DACH2: variants seen among roughly 807,000 people sequenced by gnomAD.
DACH2 encodes the protein dachshund homolog 2.
In DACH2, 17 loss-of-function variants were observed where a neutral mutation model predicts 35.8. The observed-to-expected ratio is 0.48, with a 90% CI of 0.33 to 0.71. The LOEUF is 0.71. Ranked by LOEUF, DACH2 falls within the 30% of genes least tolerant of loss-of-function variation. The probability of loss-of-function intolerance (pLI) is 0.02; values close to 1 mark genes in which losing one functional copy is unlikely to be tolerated. For missense variants in DACH2, 469 were observed against 472.7 expected, an observed-to-expected ratio of 0.99 and a Z score of 0.07; for synonymous variants, 195 against 177.3, an observed-to-expected ratio of 1.10 and a Z score of -0.79.
At chrX:86,308,088 A>G (rs763250103) in intron 1 of DACH2, among the ~76,000 whole-genome samples, 84 of 112,335 alleles carry the variant, frequency 7.5e-4, no homozygotes, top group African/African-American at 2.7e-3. Context: ...GCTTAGGAAG[A>G]TTGGGATCGT....
chrX:86,743,482 A>T (rs985953371), intron 7 of DACH2, among the ~76,000 whole-genome samples: 2 of 111,529 alleles, frequency 1.8e-5, no homozygotes, highest in Admixed American at 9.6e-5. Flanking sequence ...CATGTAATTT[A>T]TCAGATCATC....
At position 86,695,120 on chromosome X, in the gene DACH2, C is replaced by A; in HGVS notation, c.872C>A (p.Pro291Gln). ...GCTCATGCAGCCCTAGCTGGCCAGCCAGGCATTGGGGGTGCTCCAACCCTC... is the reference window on the plus strand; with the variant it reads ...GCTCATGCAGCCCTAGCTGGCCAGCAAGGCATTGGGGGTGCTCCAACCCTC... ...GIAHAALAGQ[P>Q]GIGGAPTLNP... Residue 291 changes from proline (P) to glutamine (Q), a missense_variant, in exon 5 of 12, where the codon CCA (proline) becomes CAA (glutamine). Coordinates refer to ENST00000373125, the MANE Select transcript of DACH2 (RefSeq NM_053281.3). 1 of 1,147,915 alleles carries A rather than the reference C, an allele frequency of 8.7e-7. No individual in the cohort carries two copies. The highest frequency in any genetic ancestry group is 1.2e-6 in the Non-Finnish European group (1 of 862,690). 94.6% of individuals were successfully genotyped at this position (1,147,915 alleles called of 1,213,427 possible). A position where few individuals can be genotyped will look rare whatever the true frequency, so the allele number is the denominator to read the frequency against.
At chrX:86,213,941 A>T (rs1298816748) in intron 1 of DACH2, among the ~76,000 whole-genome samples, 1 of 111,050 alleles carries the variant, frequency 9.0e-6, no homozygotes, top group Non-Finnish European at 1.9e-5. Context: ...TGTGTATAGC[A>T]TCTCTATGTT....
intron 7 of DACH2, among the ~76,000 whole-genome samples, chrX:86,764,626 A>C (rs962937860): frequency 9.0e-6 from 1 of 110,954 alleles, no homozygotes; most frequent in Non-Finnish European, 1.9e-5. Flanking sequence ...TATCCAGTTG[A>C]CTGTTGATGG....
chrX:86,222,983 A>T (rs1162285657), intron 1 of DACH2, among the ~76,000 whole-genome samples: 1 of 111,953 alleles, frequency 8.9e-6, no homozygotes, highest in Admixed American at 9.5e-5. Context: ...CAGAGAGAAA[A>T]GTTTAATATC....
At chrX:86,683,365 C>T (rs1247559385) in intron 4 of DACH2, among the ~76,000 whole-genome samples, 2 of 111,607 alleles carry the variant, frequency 1.8e-5, no homozygotes, top group African/African-American at 6.5e-5. Flanking sequence ...TCTGCTTCTG[C>T]TTTCTCAAGA....
In DACH2 at chrX:86,149,675, G is replaced by C. The variant is rs2030293461; in HGVS notation, c.488+567G>C. Among the ~76,000 whole-genome samples the C allele has an allele frequency of 3.6e-5, 4 of 112,351 alleles. No individual in the cohort carries two copies. In the Admixed American group the frequency reaches 3.8e-4, roughly 11 times the overall value. On this transcript the variant is annotated intron_variant, in intron 1 of 11. Transcript: ENST00000373125. ...TGGGGTGTGTGGTGTTGTTGTTTGTGGTGGTGTTGGTGTGTATGTGTGCAA... is the reference window on the plus strand; with the variant it reads ...TGGGGTGTGTGGTGTTGTTGTTTGTCGTGGTGTTGGTGTGTATGTGTGCAA...
chrX:86,382,461 T>TACACACACACACACACACAC (rs55825336), intron 2 of DACH2, among the ~76,000 whole-genome samples: 133 of 94,605 alleles, frequency 1.4e-3, no homozygotes, highest in African/African-American at 5.1e-3. Flanking sequence ...GCTACATTCA[T>TACACACACACACACACACAC]ACACACACAC....
chrX:86,748,329 A>T (rs771734506), intron 7 of DACH2, among the ~76,000 whole-genome samples: 1 of 112,293 alleles, frequency 8.9e-6, no homozygotes, highest in Non-Finnish European at 1.9e-5. Context: ...GATCCATTAG[A>T]GTAATCTCTA....
At chrX:86,723,881 C>G (rs1369892908) in intron 6 of DACH2, among the ~76,000 whole-genome samples, 1 of 105,402 alleles carries the variant, frequency 9.5e-6, no homozygotes, top group African/African-American at 3.4e-5. Context: ...CTTGAGTTGT[C>G]TTTTTTTTTT....
chrX:86,336,952 C>T (rs1310862345), intron 1 of DACH2, among the ~76,000 whole-genome samples: 4 of 107,156 alleles, frequency 3.7e-5, no homozygotes, highest in African/African-American at 1.4e-4. Context: ...ATAGCTGAAT[C>T]GATCAAGCAG....
At chrX:86,517,566 A>G (rs1199941835) in intron 3 of DACH2, among the ~76,000 whole-genome samples, 2 of 109,019 alleles carry the variant, frequency 1.8e-5, no homozygotes, top group African/African-American at 6.7e-5. Flanking sequence ...ACAGGCACCC[A>G]CCACCACACC....
intron 2 of DACH2, among the ~76,000 whole-genome samples, chrX:86,445,533 G>GAAAAAAAAAA (rs200382737): frequency 4.3e-5 from 1 of 23,441 alleles, no homozygotes; most frequent in African/African-American, 9.4e-5. Context: ...AGAAAAAAAA[G>GAAAAAAAAAA]AAAAAAAAAA....
chrX:86,277,264 T>A (rs1206990659), intron 1 of DACH2, among the ~76,000 whole-genome samples: 1 of 111,770 alleles, frequency 8.9e-6, no homozygotes, highest in Non-Finnish European at 1.9e-5. Context: ...AATTTCTAGG[T>A]ATTTAATTTT....
chrX:86,741,588 C>G, intron 7 of DACH2, among the ~76,000 whole-genome samples: 1 of 111,790 alleles, frequency 8.9e-6, no homozygotes, highest in Middle Eastern at 4.2e-3. Context: ...TTACTCTTTT[C>G]TACGACATAG....
chrX:86,214,359 A>G (rs1342344562), intron 1 of DACH2, among the ~76,000 whole-genome samples: 5 of 112,201 alleles, frequency 4.5e-5, no homozygotes, highest in African/African-American at 1.6e-4. Flanking sequence ...ATAAAACTTT[A>G]TCTGACCTTC....
chrX:86,668,626 T>G (rs2040727444), intron 4 of DACH2, among the ~76,000 whole-genome samples: 1 of 112,096 alleles, frequency 8.9e-6, no homozygotes, highest in African/African-American at 3.2e-5. Flanking sequence ...TGAGAGATGC[T>G]ACACTGAGAC....
intron 1 of DACH2, among the ~76,000 whole-genome samples, chrX:86,208,206 T>G (rs1255686466): frequency 2.7e-5 from 3 of 110,963 alleles, no homozygotes; most frequent in African/African-American, 9.8e-5. Context: ...AATAATAATT[T>G]TTTTTTTTGA....
intron 1 of DACH2, among the ~76,000 whole-genome samples, chrX:86,254,646 G>A (rs916906449): frequency 2.7e-5 from 2 of 74,390 alleles, no homozygotes; most frequent in African/African-American, 1.2e-4. Context: ...TGAAAATGAA[G>A]CTTGTCTACT....
Sources: allele counts gnomAD v4.1 joint callset (sites outside exome capture counted in the v4.1 genomes callset), GRCh38; gene constraint gnomAD v4.1.1; transcripts MANE v1.5; gene names NCBI Gene and HGNC (gene_info 2026-07-23, HGNC 2026-07-21).